The following RNF180 variants were observed in gnomAD, a reference collection of about 807,000 sequenced individuals.
The protein encoded by RNF180 is E3 ubiquitin-protein ligase RNF180.
A neutral mutation model predicts 59.2 loss-of-function variants in RNF180; 38 were observed. The ratio of observed to expected loss-of-function variants is 0.64; its 90% CI spans 0.50 to 0.84. RNF180 has a LOEUF of 0.84. Ranked by LOEUF, RNF180 falls within the 40% of genes least tolerant of loss-of-function variation. The pLI is 0.00. For missense variants in RNF180, 705 were observed against 700.9 expected, an observed-to-expected ratio of 1.01 and a Z score of -0.07; for synonymous variants, 262 against 240.3, an observed-to-expected ratio of 1.09 and a Z score of -0.84.
chr5:64,172,996 A>T (rs1350786468), intron 1 of RNF180, among the ~76,000 whole-genome samples: 1 of 152,244 alleles, frequency 6.6e-6, no homozygotes, highest in East Asian at 1.9e-4. Context: ...CCACTGGGAA[A>T]TGTTAAATAA....
At chr5:64,361,642 G>A (rs1403192880) in intron 7 of RNF180, among the ~76,000 whole-genome samples, 1 of 151,422 alleles carries the variant, frequency 6.6e-6, no homozygotes, top group Non-Finnish European at 1.5e-5. Context: ...CTATAGCATA[G>A]TTAAAATGAA....
At position 64,324,539 on chromosome 5, in the gene RNF180, A is replaced by T. The variant is rs541838348; in HGVS notation, c.1228-647A>T. On this transcript the variant is annotated intron_variant, in intron 5 of 7. Transcript: ENST00000389100. The stretch of plus-strand genomic sequence containing the variant: ...ACAAGACAATGTTGAATGAAATGAC[A>T]TTATTCAAGAACCTGCTGTATCTTT... 1.1e-3 allele frequency among the ~76,000 whole-genome samples: 162 copies of T among 152,358 alleles called. 2 individuals carry two copies. The South Asian group carries it at 0.031, about 29-fold the overall frequency.
At chr5:64,228,132 A>G (rs1027691433) in intron 5 of RNF180, among the ~76,000 whole-genome samples, 1 of 152,228 alleles carries the variant, frequency 6.6e-6, no homozygotes, top group Non-Finnish European at 1.5e-5. Flanking sequence ...TTACAAAGTA[A>G]TATTTTAAAG....
At chr5:64,181,618 T>C (rs1750588275) in intron 1 of RNF180, among the ~76,000 whole-genome samples, 1 of 152,110 alleles carries the variant, frequency 6.6e-6, no homozygotes, top group Non-Finnish European at 1.5e-5. Flanking sequence ...TTTGCCTAGA[T>C]AGGAGCAGAT....
At chr5:64,304,491 C>T (rs1743330646) in intron 5 of RNF180, among the ~76,000 whole-genome samples, 1 of 151,258 alleles carries the variant, frequency 6.6e-6, no homozygotes, top group Admixed American at 6.6e-5. Context: ...TAATTGCAGC[C>T]CTTATGGATG....
At position 64,304,499 on chromosome 5, in the gene RNF180, A is replaced by G. The variant is rs182023605; in HGVS notation, c.1228-20687A>G. Among the ~76,000 whole-genome samples, 21 of 151,726 alleles carry G rather than the reference A, an allele frequency of 1.4e-4. 1 individual carries two copies. Among genetic ancestry groups the G allele is most frequent in the African/African-American group, 5.1e-4 (21 of 41,506 alleles). ...GAAAAGTTAATTGCAGCCCTTATGG[A>G]TGACTTTTAGGGGTTCAAAACCTCA... On this transcript the variant is annotated intron_variant, in intron 5 of 7. Transcript: ENST00000389100.
chr5:64,367,399 G>T (rs1746492008), intron 7 of RNF180, among the ~76,000 whole-genome samples: 1 of 151,514 alleles, frequency 6.6e-6, no homozygotes, highest in Non-Finnish European at 1.5e-5. Context: ...ATATTGTGTA[G>T]CAGTAAAAAA....
chr5:64,279,428 G>A (rs1158388691), intron 5 of RNF180, among the ~76,000 whole-genome samples: 18 of 152,078 alleles, frequency 1.2e-4, no homozygotes, highest in Non-Finnish European at 1.5e-5. Context: ...CCAGAGAGGG[G>A]TTTTTCTGTT....
At chr5:64,312,242 A>G (rs1743803482) in intron 5 of RNF180, among the ~76,000 whole-genome samples, 1 of 152,128 alleles carries the variant, frequency 6.6e-6, no homozygotes, top group South Asian at 2.1e-4. Flanking sequence ...CACTTGTAAC[A>G]AAAAGATTTC....
At chr5:64,275,467 G>A (rs1741662993) in intron 5 of RNF180, among the ~76,000 whole-genome samples, 1 of 150,978 alleles carries the variant, frequency 6.6e-6, no homozygotes, top group South Asian at 2.1e-4. Context: ...GAAAAGAGAG[G>A]AAAGGAAATA....
intron 1 of RNF180, among the ~76,000 whole-genome samples, chr5:64,180,446 C>T (rs1750510097): frequency 6.6e-6 from 1 of 152,180 alleles, no homozygotes. Flanking sequence ...AAGACTCCTT[C>T]TGGTTCAGAA....
intron 1 of RNF180, among the ~76,000 whole-genome samples, chr5:64,192,563 T>C (rs1751212500): frequency 6.6e-6 from 1 of 151,832 alleles, no homozygotes; most frequent in African/African-American, 2.4e-5. Context: ...TCCCAGCTAC[T>C]CAGGAGGCTG....
At chr5:64,171,134 GAC>G (rs1307845884) in intron 1 of RNF180, among the ~76,000 whole-genome samples, 5 of 152,326 alleles carry the variant, frequency 3.3e-5, no homozygotes, top group Middle Eastern at 3.4e-3. Context: ...AAGAGCCAGA[GAC>G]AGAATTTTAG....
At chr5:64,236,148 G>C (rs1742431415) in intron 5 of RNF180, among the ~76,000 whole-genome samples, 1 of 152,236 alleles carries the variant, frequency 6.6e-6, no homozygotes, top group Admixed American at 6.5e-5. Flanking sequence ...CTAGAGCCTT[G>C]TTGAATGGTT....
intron 5 of RNF180, among the ~76,000 whole-genome samples, chr5:64,281,314 C>G (rs565090052): frequency 6.6e-6 from 1 of 152,214 alleles, no homozygotes; most frequent in Admixed American, 6.5e-5. Flanking sequence ...CCTGATTGCT[C>G]TGGCTAGGAC....
At chr5:64,258,451 C>A (rs572640920) in intron 5 of RNF180, among the ~76,000 whole-genome samples, 1 of 152,188 alleles carries the variant, frequency 6.6e-6, no homozygotes, top group African/African-American at 2.4e-5. Flanking sequence ...GATGCATTGA[C>A]AAATTTGAGA....
chr5:64,286,122 C>T (rs1407063506), intron 5 of RNF180, among the ~76,000 whole-genome samples: 2 of 152,228 alleles, frequency 1.3e-5, no homozygotes, highest in African/African-American at 4.8e-5. Context: ...CACTTACCCT[C>T]AATGCCTTAG....
chr5:64,251,044 G>A (rs6892297), intron 5 of RNF180, among the ~76,000 whole-genome samples: 68,513 of 152,080 alleles, frequency 0.45, 16,890 homozygotes, highest in African/African-American at 0.66. Context: ...GGAAGCAAGT[G>A]TATTTCAACA....
chr5:64,243,711 G>A (rs963620438), intron 5 of RNF180, among the ~76,000 whole-genome samples: 7 of 152,144 alleles, frequency 4.6e-5, no homozygotes, highest in East Asian at 1.9e-4. Context: ...AGAGAGCAGC[G>A]GATCTCCCAT....
Sources: allele counts gnomAD v4.1 joint callset (sites outside exome capture counted in the v4.1 genomes callset), GRCh38; gene constraint gnomAD v4.1.1; transcripts MANE v1.5; gene names NCBI Gene and HGNC (gene_info 2026-07-23, HGNC 2026-07-21).